AKT3: variants seen among roughly 807,000 people sequenced by gnomAD.
The protein encoded by AKT3 is RAC-gamma serine/threonine-protein kinase.
AKT3 carries 15 observed loss-of-function variants against 65.3 expected under a neutral mutation model. The observed-to-expected ratio is 0.23, with a 90% confidence interval of 0.15 to 0.35. The LOEUF is 0.35. AKT3 is among the 10% of genes least tolerant of loss of function. The pLI, the probability that AKT3 is intolerant of heterozygous loss-of-function variation, is 1.00. For synonymous variants in AKT3, 206 were observed against 183.8 expected, an observed-to-expected ratio of 1.12 and a Z score of -0.98; for missense variants, 243 against 576.5, an observed-to-expected ratio of 0.42 and a Z score of 5.92.
chr1:243,561,725 A>G (rs1673797885), intron 10 of AKT3, among the ~76,000 whole-genome samples: 3 of 152,268 alleles, frequency 2.0e-5, no homozygotes, highest in Admixed American at 2.0e-4. Context: ...GTTTGAGGGG[A>G]AATGGAGCAC....
intron 2 of AKT3, among the ~76,000 whole-genome samples, chr1:243,760,588 A>G (rs1689432655): frequency 6.6e-6 from 1 of 152,230 alleles, no homozygotes; most frequent in Non-Finnish European, 1.5e-5. Context: ...GGCATAGAGC[A>G]GCAAAAAAAT....
Position 243,613,154 on chromosome 1 carries a change from CAT to C in AKT3, c.696+515_696+516del, listed in dbSNP as rs1482741164. The C allele has an allele frequency of 8.1e-5, 11 of 135,078 alleles. No individual in the cohort carries two copies. The Admixed American group carries it at 9.0e-4, about 11-fold the overall frequency. The allele number at this position is 135,078 out of a possible 1,614,324, so 8.4% of individuals were successfully genotyped here. A position where few individuals can be genotyped will look rare whatever the true frequency, so the allele number is the denominator to read the frequency against. ...ACATATATACATACATATATATACACATATACACATATATATACACCCTCATA... is the reference window on the plus strand; with the variant it reads ...ACATATATACATACATATATATACACATACACATATATATACACCCTCATA... On this transcript the variant is annotated intron_variant, in intron 8 of 13. Coordinates refer to ENST00000673466, the MANE Select transcript of AKT3 (RefSeq NM_005465.7).
intron 13 of AKT3, among the ~76,000 whole-genome samples, chr1:243,509,868 G>T (rs1048148460): frequency 1.3e-5 from 2 of 152,092 alleles, no homozygotes; most frequent in African/African-American, 2.4e-5. Flanking sequence ...TTTTCCAGGG[G>T]ACAAAGTGAC....
intron 2 of AKT3, among the ~76,000 whole-genome samples, chr1:243,791,578 T>C (rs532720452): frequency 6.6e-6 from 1 of 152,230 alleles, no homozygotes; most frequent in South Asian, 2.1e-4. Flanking sequence ...AACATGTATA[T>C]CACAGTATGA....
intron 2 of AKT3, among the ~76,000 whole-genome samples, chr1:243,758,040 G>C (rs948656345): frequency 6.6e-6 from 1 of 152,124 alleles, no homozygotes; most frequent in Non-Finnish European, 1.5e-5. Flanking sequence ...TGGGATCACG[G>C]GCATGAGCCA....
chr1:243,516,083 A>G (rs1373328943), intron 12 of AKT3, among the ~76,000 whole-genome samples: 1 of 152,222 alleles, frequency 6.6e-6, no homozygotes, highest in Non-Finnish European at 1.5e-5. Flanking sequence ...TAATTTGTAT[A>G]GAACTGATAA....
chr1:243,763,187 G>C (rs973914853), intron 2 of AKT3, among the ~76,000 whole-genome samples: 3 of 151,994 alleles, frequency 2.0e-5, no homozygotes, highest in African/African-American at 7.2e-5. Context: ...AGCCTACTCA[G>C]TAGAATTTTT....
At chr1:243,489,125 C>G in intron 13 of AKT3, 1 of 1,612,624 alleles carries the variant, frequency 6.2e-7, no homozygotes, top group South Asian at 1.1e-5. Context: ...AAGAGGTGGA[C>G]CGGCTGCGGA....
intron 2 of AKT3, among the ~76,000 whole-genome samples, chr1:243,837,439 C>A (rs1235150304): frequency 6.6e-6 from 1 of 152,108 alleles, no homozygotes; most frequent in East Asian, 1.9e-4. Flanking sequence ...GCTTCCCAAC[C>A]TATTTTATGA....
intron 1 of AKT3, among the ~76,000 whole-genome samples, chr1:243,844,343 T>C (rs938559757): frequency 2.6e-5 from 4 of 152,172 alleles, no homozygotes; most frequent in Non-Finnish European, 5.9e-5. Context: ...ATTCCAAAAC[T>C]ATACTGCCTT....
At chr1:243,496,259 C>A (rs1667829961), downstream of AKT3, among the ~76,000 whole-genome samples, 1 of 152,196 alleles carries the variant, frequency 6.6e-6, no homozygotes, top group Admixed American at 6.5e-5. Context: ...GGGCAGGTAC[C>A]CGAGCGGGTG....
chr1:243,505,178 A>C lies in AKT3; in HGVS notation c.*71T>G, dbSNP rs1669586014. The C allele has an allele frequency of 1.4e-6, 2 of 1,423,194 alleles. No homozygotes were observed. The allele number at this position is 1,423,194 out of a possible 1,614,324, so 88.2% of individuals were successfully genotyped here. A position where few individuals can be genotyped will look rare whatever the true frequency, so the allele number is the denominator to read the frequency against. On this transcript the variant is annotated 3_prime_UTR_variant, in exon 14 of 14. Coordinates refer to ENST00000673466, the MANE Select transcript of AKT3 (RefSeq NM_005465.7). ...GCCCCTGCTATGTGTAAGAGCTAGGACTGGTGATGTCCAGGAATCATTTTC... is the reference window on the plus strand; with the variant it reads ...GCCCCTGCTATGTGTAAGAGCTAGGCCTGGTGATGTCCAGGAATCATTTTC...
rs1382519618 is a variant in AKT3 at position 243,755,037 on chromosome 1, A to AT, written c.47-59322dup. Among the ~76,000 whole-genome samples the AT allele has an allele frequency of 3.3e-5, 5 of 152,130 alleles. No homozygotes were observed. The East Asian group carries it at 9.6e-4, about 29-fold the overall frequency. On this transcript the variant is annotated intron_variant, in intron 2 of 13. Transcript: ENST00000673466. ...GAAATCATCAATAAATATTTGCCAA[A>AT]TTAATAAATGTATCACTCAAGTCCT...
chr1:243,795,457 T>TG lies in AKT3; in HGVS notation c.46+47667_46+47668insC, dbSNP rs1558817822. 8.3e-4 allele frequency among the ~76,000 whole-genome samples: 103 copies of TG among 124,774 alleles called. 2 individuals are homozygous for TG. The highest frequency in any genetic ancestry group is 3.1e-3 in the African/African-American group (98 of 31,612). 81.9% of individuals were successfully genotyped at this position (124,774 alleles called of 152,430 possible). A position where few individuals can be genotyped will look rare whatever the true frequency, so the allele number is the denominator to read the frequency against. The stretch of plus-strand genomic sequence containing the variant: ...TTTCCCTTGATCTCCTTGTTTTTTT[T>TG]TTTTGTTTTTTTTTTTTGGTTTTTT... On this transcript the variant is annotated intron_variant, in intron 2 of 13. Coordinates refer to ENST00000673466, the MANE Select transcript of AKT3 (RefSeq NM_005465.7).
At chr1:243,641,258 G>GTGTATA (rs1553422104) in intron 5 of AKT3, among the ~76,000 whole-genome samples, 4 of 141,156 alleles carry the variant, frequency 2.8e-5, no homozygotes, top group Non-Finnish European at 4.6e-5. Context: ...ATGTGTGTGT[G>GTGTATA]TATATATATA....
chr1:243,807,451 G>A (rs966480135), intron 2 of AKT3, among the ~76,000 whole-genome samples: 1 of 150,146 alleles, frequency 6.7e-6, no homozygotes, highest in Non-Finnish European at 1.5e-5. Flanking sequence ...ACAGCAGTCT[G>A]AGATCAAACT....
chr1:243,834,706 T>C (rs1409493076), intron 2 of AKT3, among the ~76,000 whole-genome samples: 1 of 150,938 alleles, frequency 6.6e-6, no homozygotes, highest in Non-Finnish European at 1.5e-5. Flanking sequence ...ATATAACATC[T>C]AACCAATAAT....
chr1:243,769,210 C>T (rs1032403983), intron 2 of AKT3, among the ~76,000 whole-genome samples: 2 of 152,010 alleles, frequency 1.3e-5, no homozygotes, highest in Non-Finnish European at 2.9e-5. Flanking sequence ...TTTGCTTATC[C>T]ACTCTACAGT....
At chr1:243,766,639 A>G (rs1689845389) in intron 2 of AKT3, among the ~76,000 whole-genome samples, 1 of 152,206 alleles carries the variant, frequency 6.6e-6, no homozygotes, top group Non-Finnish European at 1.5e-5. Flanking sequence ...AATGAGGAAA[A>G]GACACATAAA....
Sources: allele counts gnomAD v4.1 joint callset (sites outside exome capture counted in the v4.1 genomes callset), GRCh38; gene constraint gnomAD v4.1.1; transcripts MANE v1.5; gene names NCBI Gene and HGNC (gene_info 2026-07-23, HGNC 2026-07-21).